TRNAU1AP: variants seen among roughly 807,000 people sequenced by gnomAD.
TRNAU1AP encodes the protein tRNA selenocysteine 1 associated protein 1.
In TRNAU1AP, 33 loss-of-function variants were observed where a neutral mutation model predicts 43.3. The ratio of observed to expected loss-of-function variants is 0.76; its 90% confidence interval spans 0.58 to 1.02. The LOEUF (loss-of-function observed/expected upper bound fraction) is 1.02, where lower values mean the gene tolerates loss of function less well. Ranked by LOEUF, TRNAU1AP falls within the 50% of genes least tolerant of loss-of-function variation. TRNAU1AP has a pLI of 0.00. For missense variants in TRNAU1AP, 290 were observed against 362.7 expected, an observed-to-expected ratio of 0.80 and a Z score of 1.63; for synonymous variants, 143 against 129.1, an observed-to-expected ratio of 1.11 and a Z score of -0.73.
intron 6 of TRNAU1AP, among the ~76,000 whole-genome samples, chr1:28,569,750 G>T (rs1665620979): frequency 1.4e-5 from 2 of 148,134 alleles, no homozygotes; most frequent in African/African-American, 5.0e-5. Flanking sequence ...ACTTTGGGAG[G>T]CCGAGGCGGG....
chr1:28,560,054 C>T (rs1665370670), intron 2 of TRNAU1AP, among the ~76,000 whole-genome samples: 1 of 152,074 alleles, frequency 6.6e-6, no homozygotes, highest in South Asian at 2.1e-4. Flanking sequence ...ATTGCTTGAA[C>T]CTGAGAGGCA....
At chr1:28,564,978 C>A in intron 5 of TRNAU1AP, 144 bp downstream of exon 5, 1 of 936,786 alleles carries the variant, frequency 1.1e-6, no homozygotes, top group Non-Finnish European at 1.7e-6. Context: ...ATCCCAGCTC[C>A]AATACAGGTG....
rs773252026 is a variant in TRNAU1AP at position 28,571,218 on chromosome 1, T to C, written c.573T>C (p.Tyr191=). The change falls in exon 7 of 9, where the codon TAT becomes TAC. Residue 191 remains tyrosine (Y), a synonymous_variant. Coordinates refer to ENST00000373830, the MANE Select transcript of TRNAU1AP (RefSeq NM_017846.5). ...KPVEYSQMYS[Y]SYNQYYQQYQ... Reference sequence around the variant, plus strand: ...TGGAATATAGTCAGATGTACAGTTATAGCTACAACCAGTATTATCAGCAGT... The same window carrying C: ...TGGAATATAGTCAGATGTACAGTTACAGCTACAACCAGTATTATCAGCAGT... 7 of 1,614,044 alleles carry C rather than the reference T, an allele frequency of 4.3e-6. No individual in the cohort carries two copies. The Admixed American group carries it at 6.7e-5, about 15-fold the overall frequency.
chr1:28,570,680 T>G (rs1306347916), intron 6 of TRNAU1AP, among the ~76,000 whole-genome samples: 2 of 152,142 alleles, frequency 1.3e-5, no homozygotes, highest in African/African-American at 4.8e-5. Flanking sequence ...TACTCTCATA[T>G]TAGCTGTGTG....
intron 2 of TRNAU1AP, among the ~76,000 whole-genome samples, chr1:28,554,893 G>A (rs1389096197): frequency 1.3e-5 from 2 of 151,040 alleles, no homozygotes; most frequent in African/African-American, 2.4e-5. Context: ...ACTTGAATTC[G>A]AGTCTATCCT....
chr1:28,560,442 C>A (rs1665380751), intron 2 of TRNAU1AP, among the ~76,000 whole-genome samples, 191 bp from the exon 3 acceptor site: 1 of 152,064 alleles, frequency 6.6e-6, no homozygotes, highest in African/African-American at 2.4e-5. Context: ...CCGCCATGCC[C>A]AGCCAATTTT....
intron 6 of TRNAU1AP, among the ~76,000 whole-genome samples, chr1:28,569,497 C>CT (rs1401013038): frequency 4.0e-5 from 6 of 151,508 alleles, no homozygotes; most frequent in African/African-American, 7.3e-5. Context: ...CGAGACCATC[C>CT]TTGCTAACAT....
intron 2 of TRNAU1AP, 71 bp from the exon 3 acceptor site, chr1:28,560,562 C>A: frequency 7.9e-7 from 1 of 1,265,670 alleles, no homozygotes. Context: ...ATGCGTGAGC[C>A]ATCACGCCTG....
intron 2 of TRNAU1AP, among the ~76,000 whole-genome samples, chr1:28,556,835 C>T (rs1023594371): frequency 1.2e-4 from 19 of 152,080 alleles, no homozygotes; most frequent in African/African-American, 4.3e-4. Context: ...AGCCGTGTGC[C>T]ACCACATCCA....
rs367597232 is a variant in TRNAU1AP, at chr1:28,560,746, G to C, written c.225+14G>C. 6.3e-5 allele frequency: 100 copies of C among 1,578,098 alleles called. No individual in the cohort carries two copies. The highest frequency in any genetic ancestry group is 8.2e-5 in the Non-Finnish European group (94 of 1,148,298). On this transcript the variant is annotated intron_variant, in intron 3 of 8. Transcript: ENST00000373830. Reference sequence around the variant, plus strand: ...GGAGCCACACCTGTAAGGACATTTAGATAATGATGATGTTGCCATTATTAT... The same window carrying C: ...GGAGCCACACCTGTAAGGACATTTACATAATGATGATGTTGCCATTATTAT...
At chr1:28,560,759 T>C (rs1001769156) in intron 3 of TRNAU1AP, 27 bp downstream of exon 3, 14 of 1,534,386 alleles carry the variant, frequency 9.1e-6, no homozygotes, top group Non-Finnish European at 1.3e-5. Context: ...AATGATGATG[T>C]TGCCATTATT....
chr1:28,578,128 T>C lies in TRNAU1AP; in HGVS notation c.*492T>C, dbSNP rs1053686527. 1 of 158,892 alleles carries C rather than the reference T, an allele frequency of 6.3e-6. No homozygotes were observed. The highest frequency in any genetic ancestry group is 2.4e-5 in the African/African-American group (1 of 41,492). 9.8% of individuals were successfully genotyped at this position (158,892 alleles called of 1,614,324 possible). A position where few individuals can be genotyped will look rare whatever the true frequency, so the allele number is the denominator to read the frequency against. ...GAAGGTAGAATGTGGTGGGGTGTGA[T>C]GGAACAGGCCAGTTGGCCTAAGAAT... On this transcript the variant is annotated 3_prime_UTR_variant, in exon 9 of 9. Transcript: ENST00000373830.
Position 28,564,785 on chromosome 1 carries a change from C to A in TRNAU1AP, c.361C>A (p.Pro121Thr). Residue 121 changes from proline to threonine, a missense_variant, in exon 5 of 9, where the codon CCC becomes ACC. Pro to Thr is a conservative substitution (Grantham distance 38, BLOSUM62 -1). This residue lies in a region of TRNAU1AP where 174 missense variants were observed against 262.1 expected (regional missense o/e 0.66). Transcript: ENST00000373830. The part of the protein sequence containing the change: ...MLYEFFVKVY[P>T]SCRGGKVVLD... The stretch of plus-strand genomic sequence containing the variant: ...GTATGAATTCTTCGTCAAAGTCTAC[C>A]CCTCCTGTCGGGGAGGCAAGGTGGT... The A allele has an allele frequency of 6.2e-7, 1 of 1,614,098 alleles. No individual in the cohort carries two copies. Among genetic ancestry groups the A allele is most frequent in the Non-Finnish European group, 8.5e-7 (1 of 1,180,006 alleles).
rs1181044398 is a variant in TRNAU1AP, at chr1:28,578,130, GA to G, written c.*496del. 1 of 158,728 alleles carries G rather than the reference GA, an allele frequency of 6.3e-6. No individual in the cohort carries two copies. 9.8% of individuals were successfully genotyped at this position (158,728 alleles called of 1,614,324 possible). A position where few individuals can be genotyped will look rare whatever the true frequency, so the allele number is the denominator to read the frequency against. Reference sequence around the variant, plus strand: ...AGGTAGAATGTGGTGGGGTGTGATGGAACAGGCCAGTTGGCCTAAGAATTAG... The same window carrying G: ...AGGTAGAATGTGGTGGGGTGTGATGGACAGGCCAGTTGGCCTAAGAATTAG... On this transcript the variant is annotated 3_prime_UTR_variant, in exon 9 of 9. Coordinates refer to ENST00000373830, the MANE Select transcript of TRNAU1AP (RefSeq NM_017846.5).
intron 8 of TRNAU1AP, among the ~76,000 whole-genome samples, chr1:28,573,542 G>GCGGGAGGATCACCTAAGGT (rs1426795578): frequency 1.8e-4 from 27 of 151,900 alleles, no homozygotes; most frequent in Non-Finnish European, 5.9e-5. Context: ...GGAAGCCACG[G>GCGGGAGGATCACCTAAGGT]CGGGAGGATC....
At chr1:28,573,507 T>A (rs1486741671) in intron 8 of TRNAU1AP, among the ~76,000 whole-genome samples, 1 of 151,878 alleles carries the variant, frequency 6.6e-6, no homozygotes, top group Non-Finnish European at 1.5e-5. Flanking sequence ...GCGCGGTGGC[T>A]CACCCCTGTA....
rs1431545536 is a variant in TRNAU1AP, at chr1:28,553,651, C to T, written c.39C>T (p.Tyr13=). 3 of 1,614,070 alleles carry T rather than the reference C, an allele frequency of 1.9e-6. No individual in the cohort carries two copies. Among genetic ancestry groups the T allele is most frequent in the Middle Eastern group, 1.7e-4 (1 of 5,978 alleles). ...ASLWMGDLEP[Y]MDENFISRAF... ...TTGTTTTTACGCAGCTGGAACCCTACATGGATGAGAACTTCATCTCCAGAG... is the reference window on the plus strand; with the variant it reads ...TTGTTTTTACGCAGCTGGAACCCTATATGGATGAGAACTTCATCTCCAGAG... Residue 13 remains tyrosine, a synonymous_variant, in exon 2 of 9, where the codon TAC becomes TAT. Transcript: ENST00000373830.
At chr1:28,554,222 A>AAAAAAAAAAAAAAAAAAAAAAAAC (rs1553121340) in intron 2 of TRNAU1AP, among the ~76,000 whole-genome samples, 1 of 142,736 alleles carries the variant, frequency 7.0e-6, no homozygotes, top group African/African-American at 2.9e-5. Flanking sequence ...ACAAAAAAAC[A>AAAAAAAAAAAAAAAAAAAAAAAAC]AAAAACGCAG....
chr1:28,571,359 C>CA (rs1346350379), intron 7 of TRNAU1AP, 21 bp downstream of exon 7: 1 of 1,613,344 alleles, frequency 6.2e-7, no homozygotes, highest in South Asian at 1.1e-5. Context: ...CTTGGCAAGA[C>CA]TGGTCCCCTT....
Sources: gnomAD v4.1 joint callset for allele counts (sites outside exome capture counted in the v4.1 genomes callset) on GRCh38, gnomAD v4.1.1 for gene constraint, gnomAD v4.1.1 regional missense constraint, MANE v1.5 for transcripts, NCBI Gene and HGNC (gene_info 2026-07-23, HGNC 2026-07-21) for gene names.